The following MIS18BP1 variants were observed in gnomAD, a reference collection of about 807,000 sequenced individuals.
The protein encoded by MIS18BP1 is MIS18 binding protein 1.
In MIS18BP1, 72 loss-of-function variants were observed where a neutral mutation model predicts 116.1. That is an observed-to-expected ratio of 0.62 (90% CI 0.51 to 0.75). The LOEUF is 0.75. MIS18BP1 is among the 30% of genes least tolerant of loss of function. MIS18BP1 has a pLI of 0.00. For missense variants in MIS18BP1, 1,363 were observed against 1,303.2 expected (o/e 1.05, Z -0.71); for synonymous variants, 386 against 427.0 (o/e 0.90, Z 1.18).
chr14:45,218,629 C>T, intron 11 of MIS18BP1, among the ~76,000 whole-genome samples, 175 bp from the exon 12 acceptor site: 1 of 151,268 alleles, frequency 6.6e-6, no homozygotes, highest in African/African-American at 2.4e-5. Context: ...TAACTTAACT[C>T]TAGTGCTTAA....
chr14:45,235,400 G>C (rs976775031), intron 6 of MIS18BP1, among the ~76,000 whole-genome samples: 9 of 151,588 alleles, frequency 5.9e-5, no homozygotes, highest in African/African-American at 1.5e-4. Flanking sequence ...TCATGCACAG[G>C]ACCAGCCTGG....
chr14:45,214,650 G>A (rs374155987), intron 13 of MIS18BP1, among the ~76,000 whole-genome samples: 4 of 152,188 alleles, frequency 2.6e-5, no homozygotes, highest in East Asian at 3.8e-4. Flanking sequence ...CCCACCTGTC[G>A]AGAAATGCCC....
intron 2 of MIS18BP1, among the ~76,000 whole-genome samples, chr14:45,245,124 C>G (rs1373421401): frequency 6.6e-6 from 1 of 152,192 alleles, no homozygotes; most frequent in Admixed American, 6.5e-5. Flanking sequence ...CTCTTGAACC[C>G]TTTCACGCAA....
intron 1 of MIS18BP1, among the ~76,000 whole-genome samples, chr14:45,249,303 G>T (rs887059950): frequency 6.6e-6 from 1 of 152,116 alleles, no homozygotes; most frequent in African/African-American, 2.4e-5. Context: ...TATTGGTCAG[G>T]CTGGTCTCCT....
chr14:45,206,569 T>G (rs111894327), intron 14 of MIS18BP1: 32,631 of 157,894 alleles, frequency 0.21, 5,060 homozygotes, highest in African/African-American at 0.44. Flanking sequence ...GGGATGACAG[T>G]CGTGAGCCAC....
intron 11 of MIS18BP1, among the ~76,000 whole-genome samples, chr14:45,222,297 CCACTT>C (rs754248481): frequency 2.6e-5 from 4 of 152,196 alleles, no homozygotes; most frequent in South Asian, 2.1e-4. Context: ...AAAAAATCCT[CCACTT>C]CTCTTCTTCT....
In MIS18BP1 at chr14:45,227,647, T is replaced by A; in HGVS notation, c.1746+16A>T. On this transcript the variant is annotated intron_variant, in intron 9 of 16. Transcript: ENST00000310806. ...AAATATCAACTTGAACTATACAGTG[T>A]ACAATAAAGCCTTACCTGATTAGAT... 6.2e-7 allele frequency: 1 copy of A among 1,606,508 alleles called. No individual in the cohort carries two copies. Among genetic ancestry groups the A allele is most frequent in the East Asian group, 2.2e-5 (1 of 44,822 alleles).
chr14:45,208,205 T>A (rs965672338), intron 14 of MIS18BP1, among the ~76,000 whole-genome samples: 1 of 152,220 alleles, frequency 6.6e-6, no homozygotes, highest in Admixed American at 6.5e-5. Context: ...ATAACTTTCC[T>A]TATTTTTGGA....
chr14:45,232,630 A>G lies in MIS18BP1; in HGVS notation c.1436+103T>C, dbSNP rs558191450. The G allele has an allele frequency of 1.8e-4, 125 of 696,768 alleles. 1 individual carries two copies. In the South Asian group the frequency reaches 2.0e-3, roughly 11 times the overall value. 43.2% of individuals were successfully genotyped at this position (696,768 alleles called of 1,614,324 possible). A position where few individuals can be genotyped will look rare whatever the true frequency, so the allele number is the denominator to read the frequency against. ...GCCAACATGACGAAACCCCATCTCTATTAAAAATACAAAAATTAGCTGGAC... is the reference window on the plus strand; with the variant it reads ...GCCAACATGACGAAACCCCATCTCTGTTAAAAATACAAAAATTAGCTGGAC... On this transcript the variant is annotated intron_variant, in intron 7 of 16. Transcript: ENST00000310806.
Position 45,247,016 on chromosome 14 carries a change from C to A in MIS18BP1, c.271G>T (p.Asp91Tyr). 6.2e-7 allele frequency: 1 copy of A among 1,613,380 alleles called. No homozygotes were observed. The highest frequency in any genetic ancestry group is 8.5e-7 in the Non-Finnish European group (1 of 1,179,900). The change falls in exon 2 of 17, where the codon GAT (aspartate) becomes TAT (tyrosine). Residue 91 changes from aspartate (D) to tyrosine (Y), a missense_variant. Transcript: ENST00000310806. ...TEATTSNSSL[D>Y]ISAIKPNKDG... Reference sequence around the variant, plus strand: ...TTGTTGGGCTTTATAGCACTGATATCAAGAGAACTGTTAGAGGTAGTAGCC... The same window carrying A: ...TTGTTGGGCTTTATAGCACTGATATAAAGAGAACTGTTAGAGGTAGTAGCC...
At chr14:45,219,153 C>T (rs1357983769) in intron 11 of MIS18BP1, among the ~76,000 whole-genome samples, 1 of 152,160 alleles carries the variant, frequency 6.6e-6, no homozygotes, top group Non-Finnish European at 1.5e-5. Flanking sequence ...CTATGTAACT[C>T]ATCAATTAGC....
intron 13 of MIS18BP1, among the ~76,000 whole-genome samples, chr14:45,212,538 C>T (rs926454545): frequency 6.6e-6 from 1 of 152,142 alleles, no homozygotes; most frequent in African/African-American, 2.4e-5. Flanking sequence ...AATACTTAAT[C>T]GCAGCCAGCA....
intron 3 of MIS18BP1, 42 bp downstream of exon 3, chr14:45,242,711 TTAACAATA>T: frequency 6.6e-7 from 1 of 1,522,164 alleles, no homozygotes. Context: ...CCTAGAACAT[TTAACAATA>T]TACTTAAGTA....
intron 9 of MIS18BP1, 113 bp from the exon 10 acceptor site, chr14:45,226,949 G>T: frequency 1.1e-6 from 1 of 902,620 alleles, no homozygotes. Flanking sequence ...TTACAGTTCC[G>T]CAAATTTCAT....
intron 10 of MIS18BP1, 139 bp downstream of exon 10, chr14:45,226,604 A>T: frequency 2.7e-6 from 2 of 752,476 alleles, no homozygotes; most frequent in Non-Finnish European, 3.6e-6. Context: ...ATGTAAAAAT[A>T]ACAAAACCAA....
chr14:45,217,481 C>G (rs1315871875), intron 12 of MIS18BP1, among the ~76,000 whole-genome samples: 1 of 152,094 alleles, frequency 6.6e-6, no homozygotes, highest in Non-Finnish European at 1.5e-5. Flanking sequence ...TGTTATTTTA[C>G]AAGTCTCCTA....
chr14:45,245,038 A>G (rs1003487571), intron 2 of MIS18BP1, among the ~76,000 whole-genome samples: 2 of 152,190 alleles, frequency 1.3e-5, no homozygotes, highest in Non-Finnish European at 2.9e-5. Flanking sequence ...TTTAAACTAC[A>G]ATTGCCATTA....
At chr14:45,233,623 G>A (rs1300580277) in intron 6 of MIS18BP1, among the ~76,000 whole-genome samples, 1 of 152,138 alleles carries the variant, frequency 6.6e-6, no homozygotes, top group East Asian at 1.9e-4. Context: ...GCAGAGGTCT[G>A]AGTTTGGGAT....
intron 3 of MIS18BP1, 44 bp from the exon 4 acceptor site, chr14:45,242,562 G>A (rs1258852948): frequency 2.0e-6 from 3 of 1,530,324 alleles, no homozygotes; most frequent in East Asian, 2.3e-5. Flanking sequence ...AATTATAGAA[G>A]GATCACAGGA....
Sources: gnomAD v4.1 joint callset for allele counts (sites outside exome capture counted in the v4.1 genomes callset) on GRCh38, gnomAD v4.1.1 for gene constraint, MANE v1.5 for transcripts, NCBI Gene and HGNC (gene_info 2026-07-23, HGNC 2026-07-21) for gene names.